Variants in PPIL6 observed in about 807,000 individuals in gnomAD.
The protein encoded by PPIL6 is probable inactive peptidyl-prolyl cis-trans isomerase-like 6.
PPIL6 carries 39 observed loss-of-function variants against 36.8 expected under a neutral mutation model. That is an observed-to-expected ratio of 1.06 (90% CI 0.82 to 1.38). The LOEUF (loss-of-function observed/expected upper bound fraction) is 1.38. Ranked by LOEUF, PPIL6 falls within the 40% of genes most tolerant of loss-of-function variation. The probability of loss-of-function intolerance (pLI) is 0.00; values close to 1 mark genes in which losing one functional copy is unlikely to be tolerated. For synonymous variants in PPIL6, 123 were observed against 134.1 expected (o/e 0.92, Z 0.57); for missense variants, 368 against 379.1 (o/e 0.97, Z 0.24).
intron 6 of PPIL6, among the ~76,000 whole-genome samples, chr6:109,412,256 C>T (rs930772706): frequency 6.6e-6 from 1 of 152,224 alleles, no homozygotes; most frequent in Non-Finnish European, 1.5e-5. Context: ...TCTCTGCCTA[C>T]AGGGTAGCTC....
chr6:109,435,481 A>G (rs1487418474), intron 2 of PPIL6, among the ~76,000 whole-genome samples: 1 of 151,970 alleles, frequency 6.6e-6, no homozygotes, highest in African/African-American at 2.4e-5. Context: ...TATTTTTCGT[A>G]GAGACGGAGT....
Position 109,436,170 on chromosome 6 carries a change from A to G in PPIL6, c.165T>C (p.Phe55=), listed in dbSNP as rs374937011. 107 of 1,573,396 alleles carry G rather than the reference A, an allele frequency of 6.8e-5. No individual in the cohort carries two copies. The highest frequency in any genetic ancestry group is 9.3e-5 in the Non-Finnish European group (106 of 1,143,512). ...ENLKNNHPSK[F]EDPILVPLQE... ...GAAGAGGAACTAATATAGGATCTTC[A>G]AATTTGGATGGATGATTATTCTTCA... is the stretch of plus-strand genomic sequence containing the variant. The change falls in exon 2 of 8, where the codon TTT becomes TTC. Residue 55 remains phenylalanine (F), a synonymous_variant. Coordinates refer to ENST00000521072, the MANE Select transcript of PPIL6 (RefSeq NM_173672.5).
At chr6:109,432,385 CCTT>C (rs1448355491) in intron 2 of PPIL6, among the ~76,000 whole-genome samples, 1 of 152,114 alleles carries the variant, frequency 6.6e-6, no homozygotes, top group East Asian at 1.9e-4. Context: ...TGATGGTAAA[CCTT>C]CTAAATCTCC....
intron 6 of PPIL6, among the ~76,000 whole-genome samples, chr6:109,416,433 C>G (rs1054183468): frequency 5.9e-5 from 9 of 151,374 alleles, no homozygotes; most frequent in Non-Finnish European, 1.3e-4. Context: ...GAACTCCTGA[C>G]CTCAGGTGAT....
chr6:109,421,817 T>C (rs926788160), intron 5 of PPIL6, among the ~76,000 whole-genome samples: 50 of 151,646 alleles, frequency 3.3e-4, no homozygotes, highest in African/African-American at 1.2e-3. Flanking sequence ...GGTGGGAGGG[T>C]TACTTGAGGC....
Position 109,390,799 on chromosome 6 carries a change from A to G in PPIL6, c.*2027T>C, listed in dbSNP as rs3757236. ...TTTTGTAAGCGTAGCCACTGGGGAAAATGGGTGAAAGGTACACAGGACTGC... is the reference window on the plus strand; with the variant it reads ...TTTTGTAAGCGTAGCCACTGGGGAAGATGGGTGAAAGGTACACAGGACTGC... On this transcript the variant is annotated 3_prime_UTR_variant, in exon 8 of 8. Coordinates refer to ENST00000521072, the MANE Select transcript of PPIL6 (RefSeq NM_173672.5). 0.041 allele frequency: 6,260 copies of G among 152,268 alleles called. 177 individuals carry two copies. The highest frequency in any genetic ancestry group is 0.093 in the South Asian group (448 of 4,822). The allele number at this position is 152,268 out of a possible 1,614,324, so 9.4% of individuals were successfully genotyped here. A position where few individuals can be genotyped will look rare whatever the true frequency, so the allele number is the denominator to read the frequency against.
At chr6:109,400,860 A>T (rs563660667) in intron 6 of PPIL6, among the ~76,000 whole-genome samples, 190 of 149,890 alleles carry the variant, frequency 1.3e-3, no homozygotes, top group African/African-American at 4.0e-3. Context: ...TTCAAATAAA[A>T]TTTTTTTTTT....
intron 6 of PPIL6, among the ~76,000 whole-genome samples, chr6:109,418,394 C>T (rs1442149834): frequency 3.9e-5 from 6 of 152,098 alleles, no homozygotes; most frequent in Non-Finnish European, 5.9e-5. Context: ...CCCTGCCCTC[C>T]CCTACACAGA....
In PPIL6 at chr6:109,440,518, G is replaced by A. The variant is rs1349479696; in HGVS notation, c.73C>T (p.Gln25Ter). 6.6e-7 allele frequency: 1 copy of A among 1,510,050 alleles called. No homozygotes were observed. Among genetic ancestry groups the A allele is most frequent in the East Asian group, 2.7e-5 (1 of 37,224 alleles). 93.5% of individuals were successfully genotyped at this position (1,510,050 alleles called of 1,614,324 possible). Residue 25 changes from glutamine (Q) to a stop codon, truncating the protein, a stop_gained, in exon 1 of 8, where the codon CAG (glutamine) becomes TAG (stop). Transcript: ENST00000521072. LOFTEE classifies it high-confidence loss of function. The stretch of plus-strand genomic sequence containing the variant: ...CTGAAGAGCCCCACCACCTTCACCT[G>A]CAGCGGCCGCTCCGGCAGCGACGGC... ...GSPSLPERPLQVKVVGLFSCP... is the reference protein window; with the variant it reads ...GSPSLPERPL
intron 5 of PPIL6, among the ~76,000 whole-genome samples, chr6:109,422,098 G>A (rs1375008435): frequency 2.6e-5 from 4 of 152,000 alleles, no homozygotes; most frequent in African/African-American, 7.2e-5. Context: ...GACTGGTCTC[G>A]AACTCCTGAC....
chr6:109,433,798 C>A (rs1774296182), intron 2 of PPIL6, among the ~76,000 whole-genome samples: 1 of 152,080 alleles, frequency 6.6e-6, no homozygotes, highest in African/African-American at 2.4e-5. Flanking sequence ...AACAAACAGC[C>A]AGAGGAGAAG....
chr6:109,412,005 G>A (rs1029611623), intron 6 of PPIL6, among the ~76,000 whole-genome samples: 6 of 152,080 alleles, frequency 3.9e-5, no homozygotes, highest in Non-Finnish European at 7.4e-5. Flanking sequence ...CTCCAGAGGT[G>A]GGGATCAGAT....
intron 6 of PPIL6, among the ~76,000 whole-genome samples, chr6:109,410,857 T>C (rs139573638): frequency 6.6e-6 from 1 of 151,974 alleles, no homozygotes; most frequent in East Asian, 1.9e-4. Flanking sequence ...AAGGTGGGAG[T>C]ACTGCCCCCT....
intron 2 of PPIL6, among the ~76,000 whole-genome samples, chr6:109,432,804 T>G (rs1230215103): frequency 6.6e-6 from 1 of 152,094 alleles, no homozygotes; most frequent in East Asian, 1.9e-4. Flanking sequence ...CTGATGTTGC[T>G]GTTCTAGAGA....
intron 6 of PPIL6, among the ~76,000 whole-genome samples, chr6:109,411,782 C>T (rs1309284120): frequency 6.6e-6 from 1 of 152,228 alleles, no homozygotes; most frequent in African/African-American, 2.4e-5. Flanking sequence ...AGTGTCCTGC[C>T]TGTGGGCCCG....
intron 7 of PPIL6, among the ~76,000 whole-genome samples, chr6:109,395,694 T>G (rs1772271160): frequency 6.7e-6 from 1 of 149,228 alleles, no homozygotes; most frequent in Non-Finnish European, 1.5e-5. Context: ...AACCTCTGCC[T>G]CCCAGGTTCA....
chr6:109,414,263 A>G (rs1219269763), intron 6 of PPIL6, among the ~76,000 whole-genome samples: 1 of 152,088 alleles, frequency 6.6e-6, no homozygotes, highest in African/African-American at 2.4e-5. Context: ...AAAGCAAACA[A>G]AAAAATTCCT....
At chr6:109,394,139 G>A (rs1377407412) in intron 7 of PPIL6, among the ~76,000 whole-genome samples, 2 of 152,110 alleles carry the variant, frequency 1.3e-5, no homozygotes, top group African/African-American at 4.8e-5. Context: ...GGGAGGCCAA[G>A]GCAGCTGGAT....
At chr6:109,395,379 C>T (rs1478782047) in intron 7 of PPIL6, among the ~76,000 whole-genome samples, 1 of 151,630 alleles carries the variant, frequency 6.6e-6, no homozygotes, top group African/African-American at 2.4e-5. Flanking sequence ...TGCACTCCAG[C>T]CTGGGTGACA....
Sources: gnomAD v4.1 joint callset for allele counts (sites outside exome capture counted in the v4.1 genomes callset) on GRCh38, gnomAD v4.1.1 for gene constraint, MANE v1.5 for transcripts, NCBI Gene and HGNC (gene_info 2026-07-23, HGNC 2026-07-21) for gene names.